PRKN: variants seen among roughly 807,000 people sequenced by gnomAD.
PRKN encodes E3 ubiquitin-protein ligase parkin.
A neutral mutation model predicts 59.5 loss-of-function variants in PRKN; 56 were observed. The ratio of observed to expected loss-of-function variants is 0.94; its 90% confidence interval spans 0.76 to 1.18. The LOEUF (loss-of-function observed/expected upper bound fraction) is 1.18, where lower values mean the gene tolerates loss of function less well. PRKN is among the 50% of genes most tolerant of loss of function. The probability of loss-of-function intolerance (pLI) is 0.00; values close to 1 mark genes in which losing one functional copy is unlikely to be tolerated. For missense variants in PRKN, 657 were observed against 596.4 expected, an observed-to-expected ratio of 1.10 and a Z score of -1.06; for synonymous variants, 250 against 222.1, an observed-to-expected ratio of 1.13 and a Z score of -1.12.
In PRKN at chr6:161,475,062, G is replaced by A. The variant is rs138895899; in HGVS notation, c.1083+73792C>T. The stretch of plus-strand genomic sequence containing the variant: ...TGGGACTACAGGCATGCACCACCAT[G>A]CCCAGCTAATTTTTAGTAGAGACAG... On this transcript the variant is annotated intron_variant, in intron 9 of 11. Coordinates refer to ENST00000366898, the MANE Select transcript of PRKN (RefSeq NM_004562.3). This position sits in a 1 kb window ranked among gnomAD's most constrained non-coding sequence, Gnocchi z 5.3. Among the ~76,000 whole-genome samples the A allele has an allele frequency of 0.12, 17,280 of 148,424 alleles. 1,101 individuals are homozygous for A. The highest frequency in any genetic ancestry group is 0.15 in the Admixed American group (2,311 of 14,932).
At position 161,350,131 on chromosome 6, in the gene PRKN, C is replaced by T. The variant is rs755627153; in HGVS notation, c.1366G>A (p.Val456Ile). The T allele has an allele frequency of 3.3e-5, 54 of 1,613,334 alleles. No homozygotes were observed. The highest frequency in any genetic ancestry group is 2.2e-4 in the Admixed American group (13 of 59,996). The change falls in exon 12 of 12, where the codon GTC becomes ATC. Residue 456 changes from valine (V) to isoleucine (I), a missense_variant. Val to Ile is a conservative substitution (Grantham distance 29, BLOSUM62 3). Transcript: ENST00000366898. ...TCGAACCAGTGGTCCCCCATGCAGA[C>T]GCGGTTCCACTCGCAGCCACAGTTC... ...CWNCGCEWNRVCMGDHWFDV is the reference protein window; with the variant it reads ...CWNCGCEWNRICMGDHWFDV
At chr6:161,383,190 G>A (rs1275239657) in intron 10 of PRKN, among the ~76,000 whole-genome samples, 1 of 152,202 alleles carries the variant, frequency 6.6e-6, no homozygotes, top group Non-Finnish European at 1.5e-5. Flanking sequence ...CATGCTGCTT[G>A]AGAGAAATGT....
chr6:161,485,803 TTA>T (rs375258021), intron 9 of PRKN, among the ~76,000 whole-genome samples: 6 of 151,766 alleles, frequency 4.0e-5, no homozygotes, highest in African/African-American at 1.4e-4. Flanking sequence ...GCTTTATATA[TTA>T]TATATATATT....
intron 9 of PRKN, among the ~76,000 whole-genome samples, chr6:161,465,434 C>A (rs747840903): frequency 1.3e-5 from 2 of 150,720 alleles, no homozygotes; most frequent in Non-Finnish European, 2.9e-5. Flanking sequence ...ATTCTGTCAG[C>A]TTTTGTCATC....
chr6:161,812,643 A>C (rs1303944783), intron 6 of PRKN, among the ~76,000 whole-genome samples: 1 of 152,238 alleles, frequency 6.6e-6, no homozygotes, highest in Non-Finnish European at 1.5e-5. Flanking sequence ...GATGGTGCAG[A>C]TCATTACACA....
At chr6:161,485,622 T>C (rs1193896452) in intron 9 of PRKN, among the ~76,000 whole-genome samples, 1 of 152,158 alleles carries the variant, frequency 6.6e-6, no homozygotes, top group Non-Finnish European at 1.5e-5. Context: ...ATGCAATATG[T>C]ATAAGAGAGA....
At chr6:161,899,274 A>G (rs1777789476) in intron 6 of PRKN, among the ~76,000 whole-genome samples, 1 of 152,252 alleles carries the variant, frequency 6.6e-6, no homozygotes, top group South Asian at 2.1e-4. Flanking sequence ...ATCTTTCAGT[A>G]TGTTCCGATG....
chr6:162,170,205 T>G (rs572012703), intron 4 of PRKN, among the ~76,000 whole-genome samples: 1 of 152,284 alleles, frequency 6.6e-6, no homozygotes, highest in Non-Finnish European at 1.5e-5. Flanking sequence ...TGCCTAACTC[T>G]TTCATTAGTT....
intron 4 of PRKN, 145 bp downstream of exon 4, chr6:162,200,986 C>T (rs1262872574): frequency 8.9e-6 from 8 of 901,468 alleles, no homozygotes; most frequent in African/African-American, 1.6e-5. Flanking sequence ...AACGAAACTT[C>T]GGCTATCATT....
chr6:161,789,539 G>T (rs1004913947), intron 6 of PRKN, among the ~76,000 whole-genome samples: 1 of 152,158 alleles, frequency 6.6e-6, no homozygotes, highest in Non-Finnish European at 1.5e-5. Context: ...CCTAGGTCCA[G>T]TTCAAGACTA....
At chr6:162,279,229 T>C (rs1260482243) in intron 2 of PRKN, among the ~76,000 whole-genome samples, 2 of 151,774 alleles carry the variant, frequency 1.3e-5, no homozygotes, top group South Asian at 2.1e-4. Context: ...TCCCAGCTAC[T>C]TGGGAGGCTG....
chr6:161,994,927 A>G (rs1781784725), intron 5 of PRKN, among the ~76,000 whole-genome samples: 1 of 151,592 alleles, frequency 6.6e-6, no homozygotes, highest in African/African-American at 2.4e-5. Flanking sequence ...AGAAATAGAA[A>G]AAAAAAAAAC....
At chr6:162,447,885 C>T (rs1376521931) in intron 1 of PRKN, among the ~76,000 whole-genome samples, 1 of 152,136 alleles carries the variant, frequency 6.6e-6, no homozygotes, top group Non-Finnish European at 1.5e-5. Flanking sequence ...TGGCACTCCC[C>T]TTGTTCCAGT....
chr6:161,397,837 G>A lies in PRKN; in HGVS notation c.1084-10960C>T, dbSNP rs1051055664. 6.6e-6 allele frequency among the ~76,000 whole-genome samples: 1 copy of A among 152,144 alleles called. No homozygotes were observed. The highest frequency in any genetic ancestry group is 1.5e-5 in the Non-Finnish European group (1 of 68,034). ...TAACTAAGACTTTCTGCCAGGGAAA[G>A]TACTTTAGTGACCTCGGAGGCCATA... is the stretch of plus-strand genomic sequence containing the variant. On this transcript the variant is annotated intron_variant, in intron 9 of 11. Transcript: ENST00000366898. The surrounding 1 kb of genome is among the most constrained non-coding windows in gnomAD (Gnocchi z 4.2).
chr6:162,220,591 G>C (rs1321777741), intron 3 of PRKN, among the ~76,000 whole-genome samples: 5 of 152,142 alleles, frequency 3.3e-5, no homozygotes, highest in Non-Finnish European at 4.4e-5. Context: ...AACCCAACAG[G>C]TAGTTTCTCA....
intron 6 of PRKN, among the ~76,000 whole-genome samples, chr6:161,940,765 G>A (rs2128242979): frequency 6.6e-6 from 1 of 152,312 alleles, no homozygotes; most frequent in African/African-American, 2.4e-5. Context: ...ATGTGGCAAG[G>A]GAAGAAGGTA....
At chr6:162,573,831 A>G (rs1402579669) in intron 1 of PRKN, among the ~76,000 whole-genome samples, 1 of 152,226 alleles carries the variant, frequency 6.6e-6, no homozygotes, top group Non-Finnish European at 1.5e-5. Flanking sequence ...GTGATCATTT[A>G]TGTAACACAA....
At chr6:161,947,656 A>G (rs1301828482) in intron 6 of PRKN, among the ~76,000 whole-genome samples, 1 of 152,234 alleles carries the variant, frequency 6.6e-6, no homozygotes, top group Non-Finnish European at 1.5e-5. Context: ...ATTCGCAAGA[A>G]AGAAAGTTCC....
intron 2 of PRKN, among the ~76,000 whole-genome samples, chr6:162,341,933 G>A (rs767945089): frequency 6.6e-6 from 1 of 150,794 alleles, no homozygotes; most frequent in Non-Finnish European, 1.5e-5. Flanking sequence ...GTGTCACTTC[G>A]GCCATTCAAA....
Sources: allele counts gnomAD v4.1 joint callset (sites outside exome capture counted in the v4.1 genomes callset), GRCh38; gene constraint gnomAD v4.1.1; non-coding constraint Gnocchi (gnomAD v3.1); transcripts MANE v1.5; gene names NCBI Gene and HGNC (gene_info 2026-07-23, HGNC 2026-07-21).